RBL1: variants seen among roughly 807,000 people sequenced by gnomAD.
RBL1 encodes the protein RB transcriptional corepressor like 1.
Under a neutral mutation model 123.0 loss-of-function variants are expected in RBL1, and 82 were observed. The observed-to-expected ratio is 0.67, with a 90% CI of 0.56 to 0.80. The LOEUF is 0.80. RBL1 is among the 30% of genes least tolerant of loss of function. The pLI, the probability that RBL1 is intolerant of heterozygous loss-of-function variation, is 0.00. For synonymous variants in RBL1, 405 were observed against 441.3 expected (o/e 0.92, Z 1.03); for missense variants, 1,171 against 1,299.6 (o/e 0.90, Z 1.52).
At chr20:37,017,912 G>A (rs1053993740) in intron 19 of RBL1, among the ~76,000 whole-genome samples, 1 of 152,130 alleles carries the variant, frequency 6.6e-6, no homozygotes, top group East Asian at 1.9e-4. Flanking sequence ...TGGAATTACA[G>A]GTGTGAGCCA....
chr20:37,001,313 T>C (rs924856501), intron 21 of RBL1, among the ~76,000 whole-genome samples: 1 of 151,638 alleles, frequency 6.6e-6, no homozygotes, highest in Non-Finnish European at 1.5e-5. Context: ...TTTTGTGGAA[T>C]AGAAAGGGGG....
chr20:37,046,775 A>AT (rs1055943523), intron 12 of RBL1, among the ~76,000 whole-genome samples: 17 of 151,394 alleles, frequency 1.1e-4, no homozygotes, highest in Non-Finnish European at 2.2e-4. Flanking sequence ...TGCCTGGCTA[A>AT]TTTTTTTTGG....
In RBL1 at chr20:37,077,925, AT is replaced by A. The variant is rs2065391002; in HGVS notation, c.291-9740del. ...ATTGTCCAAATGTTCTTTCGGAGCA[AT>A]TTTAAACATCCTAATCCAGTAGCAT... On this transcript the variant is annotated intron_variant, in intron 2 of 21. Coordinates refer to ENST00000373664, the MANE Select transcript of RBL1 (RefSeq NM_002895.5). Among the ~76,000 whole-genome samples the A allele has an allele frequency of 2.0e-5, 3 of 152,318 alleles. No individual in the cohort carries two copies. In the South Asian group the frequency reaches 6.2e-4, roughly 32 times the overall value.
rs138577744 is a variant in RBL1 at position 37,020,730 on chromosome 20, C to T, written c.2560G>A (p.Val854Ile). 1.2e-4 allele frequency: 181 copies of T among 1,560,270 alleles called. No individual in the cohort carries two copies. Among genetic ancestry groups the T allele is most frequent in the Non-Finnish European group, 1.4e-4 (166 of 1,147,300 alleles). The part of the protein sequence containing the change: ...LLCAFYIMAK[V>I]TKEERTFQEI... The stretch of plus-strand genomic sequence containing the variant: ...TGAAAAGTTCTTTCTTCTTTTGTTA[C>T]CTAAGGAAAATAAAAACCGCATTTA... Residue 854 changes from valine to isoleucine, a missense_variant and splice_region_variant, in exon 18 of 22, where the codon GTA (valine) becomes ATA (isoleucine). Coordinates refer to ENST00000373664, the MANE Select transcript of RBL1 (RefSeq NM_002895.5).
intron 2 of RBL1, among the ~76,000 whole-genome samples, chr20:37,077,160 C>T (rs1037857310): frequency 6.6e-6 from 1 of 152,140 alleles, no homozygotes; most frequent in African/African-American, 2.4e-5. Flanking sequence ...TGGTCTCAAA[C>T]GCCTGACCTC....
intron 11 of RBL1, among the ~76,000 whole-genome samples, chr20:37,047,938 C>T (rs998547105): frequency 1.3e-5 from 2 of 151,966 alleles, no homozygotes; most frequent in Non-Finnish European, 2.9e-5. Flanking sequence ...CAAGATCACG[C>T]CACCACACTC....
chr20:37,077,158 A>C (rs1435886293), intron 2 of RBL1, among the ~76,000 whole-genome samples: 1 of 152,106 alleles, frequency 6.6e-6, no homozygotes, highest in African/African-American at 2.4e-5. Flanking sequence ...GCTGGTCTCA[A>C]ACGCCTGACC....
intron 2 of RBL1, among the ~76,000 whole-genome samples, chr20:37,077,474 G>A (rs1268790098): frequency 6.6e-6 from 1 of 152,088 alleles, no homozygotes; most frequent in Non-Finnish European, 1.5e-5. Context: ...AAAAAAGACT[G>A]ACCTCCCTTG....
rs998157137 is a variant in RBL1, at chr20:37,066,816, G to C, written c.754C>G (p.Leu252Val). ...AGAAGTCCATCATGCAGTTCACACA[G>C]TACAGCAATGATGCAGGGTGGCTCT... ...SEEPPCIIAV[L>V]CELHDGLLVE... The change falls in exon 6 of 22, where the codon CTG becomes GTG. Residue 252 changes from leucine to valine, a missense_variant. Transcript: ENST00000373664. The C allele has an allele frequency of 3.7e-6, 6 of 1,612,908 alleles. No individual in the cohort carries two copies. The highest frequency in any genetic ancestry group is 5.1e-6 in the Non-Finnish European group (6 of 1,179,094).
At chr20:37,006,140 T>A (rs2064068630) in intron 20 of RBL1, among the ~76,000 whole-genome samples, 1 of 151,554 alleles carries the variant, frequency 6.6e-6, no homozygotes, top group South Asian at 2.1e-4. Context: ...GCTCAAGCAA[T>A]CCTCCAGGCT....
intron 21 of RBL1, among the ~76,000 whole-genome samples, chr20:37,000,907 G>GC (rs1297683415): frequency 9.4e-5 from 13 of 138,020 alleles, no homozygotes; most frequent in African/African-American, 3.0e-4. Context: ...GGGGGGGTCA[G>GC]CCCCCCGCCC....
chr20:37,015,814 C>T (rs545696898), intron 19 of RBL1, among the ~76,000 whole-genome samples: 67 of 152,002 alleles, frequency 4.4e-4, no homozygotes, highest in Non-Finnish European at 5.0e-4. Context: ...CAACCTCTGC[C>T]GCCCAAGTTC....
rs1230717622 is a variant in RBL1, at chr20:37,007,526, G to T, written c.2756C>A (p.Ser919Tyr). 1.9e-6 allele frequency: 3 copies of T among 1,613,734 alleles called. No homozygotes were observed. The highest frequency in any genetic ancestry group is 2.5e-6 in the Non-Finnish European group (3 of 1,179,864). ...LEDATKTPDC[S>Y]SGPVKEERGD... ...TCTTTCCTCTTTCACTGGTCCACTGGAACAGTCAGGTGTTTTTGTAGCATC... is the reference window on the plus strand; with the variant it reads ...TCTTTCCTCTTTCACTGGTCCACTGTAACAGTCAGGTGTTTTTGTAGCATC... The change falls in exon 20 of 22, where the codon TCC becomes TAC. Residue 919 changes from serine to tyrosine, a missense_variant. Transcript: ENST00000373664.
intron 19 of RBL1, among the ~76,000 whole-genome samples, chr20:37,012,579 G>A (rs1381867853): frequency 4.7e-5 from 7 of 148,634 alleles, no homozygotes; most frequent in African/African-American, 1.8e-4. Flanking sequence ...GGTGAGGAGC[G>A]TCTCTGCCCA....
chr20:37,079,465 ATTTTTTTT>A (rs768901139), intron 2 of RBL1, among the ~76,000 whole-genome samples: 3 of 115,682 alleles, frequency 2.6e-5, no homozygotes, highest in Non-Finnish European at 5.1e-5. Flanking sequence ...GGCTTAAAGC[ATTTTTTTT>A]TTTTTTTTTT....
chr20:37,090,220 A>C (rs189795147), intron 1 of RBL1, among the ~76,000 whole-genome samples: 1 of 152,260 alleles, frequency 6.6e-6, no homozygotes, highest in Non-Finnish European at 1.5e-5. Flanking sequence ...CAGGAGCAAC[A>C]GGCTATATTA....
At chr20:37,049,127 C>T (rs568394544) in intron 11 of RBL1, 58 of 214,848 alleles carry the variant, frequency 2.7e-4, no homozygotes, top group Non-Finnish European at 4.5e-4. Context: ...CATTTGAACC[C>T]GGGAGATGGA....
intron 2 of RBL1, among the ~76,000 whole-genome samples, chr20:37,080,731 T>C (rs1456087177): frequency 6.6e-6 from 1 of 152,150 alleles, no homozygotes; most frequent in African/African-American, 2.4e-5. Flanking sequence ...AGTGCTGGGA[T>C]TATAGGTGTG....
At chr20:37,055,036 T>C (rs2064980792) in intron 11 of RBL1, among the ~76,000 whole-genome samples, 1 of 152,000 alleles carries the variant, frequency 6.6e-6, no homozygotes, top group South Asian at 2.1e-4. Context: ...CCTATTGGGA[T>C]AGAAAAGTTA....
Sources: gnomAD v4.1 joint callset for allele counts (sites outside exome capture counted in the v4.1 genomes callset) on GRCh38, gnomAD v4.1.1 for gene constraint, MANE v1.5 for transcripts, NCBI Gene and HGNC (gene_info 2026-07-23, HGNC 2026-07-21) for gene names.